MTMR3: variants seen among roughly 807,000 people sequenced by gnomAD.
The protein encoded by MTMR3 is myotubularin related protein 3, also known as phosphatidylinositol-3,5-bisphosphate 3-phosphatase MTMR3.
A neutral mutation model predicts 132.4 loss-of-function variants in MTMR3; 32 were observed. The ratio of observed to expected loss-of-function variants is 0.24; its 90% confidence interval spans 0.18 to 0.32. The LOEUF (loss-of-function observed/expected upper bound fraction) is 0.32, where lower values mean the gene tolerates loss of function less well. Ranked by LOEUF, MTMR3 falls within the 10% of genes least tolerant of loss-of-function variation. The pLI is 1.00. For missense variants in MTMR3, 1,216 were observed against 1,489.6 expected, an observed-to-expected ratio of 0.82 and a Z score of 3.02; for synonymous variants, 556 against 550.3, an observed-to-expected ratio of 1.01 and a Z score of -0.14.
chr22:30,013,605 C>T, intron 14 of MTMR3, 64 bp downstream of exon 14: 2 of 1,468,012 alleles, frequency 1.4e-6, no homozygotes, highest in Middle Eastern at 1.8e-4. Flanking sequence ...TGTTAGTGGG[C>T]CAGTTCTCAC....
At chr22:30,022,575 T>C in intron 18 of MTMR3, 34 bp from the exon 19 acceptor site, 1 of 1,590,564 alleles carries the variant, frequency 6.3e-7, no homozygotes, top group Non-Finnish European at 8.6e-7. Context: ...ATGGCCCATC[T>C]CCTGTCAGTA....
intron 12 of MTMR3, 108 bp downstream of exon 12, chr22:30,009,237 T>C: frequency 1.3e-6 from 1 of 751,268 alleles, no homozygotes; most frequent in Non-Finnish European, 2.2e-6. Context: ...TTTGGAGCAG[T>C]CTTTCCTTCT....
intron 2 of MTMR3, among the ~76,000 whole-genome samples, chr22:29,957,975 A>G (rs2066233442): frequency 6.6e-6 from 1 of 151,580 alleles, no homozygotes; most frequent in African/African-American, 2.4e-5. Flanking sequence ...TCATAGGTAC[A>G]TACGTAGAGG....
rs1321485296 is a variant in MTMR3, at chr22:29,971,080, A to G, written c.3+18A>G. The G allele has an allele frequency of 1.9e-6, 3 of 1,588,000 alleles. No individual in the cohort carries two copies. The highest frequency in any genetic ancestry group is 2.6e-6 in the Non-Finnish European group (3 of 1,170,642). ...TTGTCATGGTAAGTACAAGGAAATA[A>G]GAGTAAAAAAAAAAACAAAAAACCC... is the stretch of plus-strand genomic sequence containing the variant. On this transcript the variant is annotated intron_variant, in intron 3 of 19. Transcript: ENST00000401950.
At chr22:29,979,147 G>A in intron 5 of MTMR3, 95 bp downstream of exon 5, 2 of 835,806 alleles carry the variant, frequency 2.4e-6, no homozygotes, top group Middle Eastern at 2.5e-4. Flanking sequence ...ATACAGAATT[G>A]GGAGAGAAAG....
intron 2 of MTMR3, among the ~76,000 whole-genome samples, chr22:29,970,291 A>C (rs1293330243): frequency 6.6e-6 from 1 of 152,196 alleles, no homozygotes; most frequent in South Asian, 2.1e-4. Context: ...CCACAAAAAC[A>C]TCCTAAAATA....
intron 1 of MTMR3, among the ~76,000 whole-genome samples, chr22:29,945,224 C>T (rs751293942): frequency 2.6e-5 from 4 of 152,100 alleles, no homozygotes; most frequent in Non-Finnish European, 5.9e-5. Context: ...AGGCTGGTCT[C>T]GAACTCCTAG....
chr22:29,999,676 A>G (rs1385902966), intron 8 of MTMR3: 2 of 152,234 alleles, frequency 1.3e-5, no homozygotes, highest in African/African-American at 4.8e-5. Context: ...ATATTGATCT[A>G]AAACCAACTT....
chr22:29,972,670 A>G (rs1011240812), intron 3 of MTMR3, among the ~76,000 whole-genome samples: 8 of 152,172 alleles, frequency 5.3e-5, no homozygotes, highest in African/African-American at 1.7e-4. Context: ...TACTGGGTTC[A>G]AGCGATTCTT....
At chr22:30,002,731 C>G (rs2067201240) in intron 8 of MTMR3, 149 bp from the exon 9 acceptor site, 2 of 590,150 alleles carry the variant, frequency 3.4e-6, no homozygotes, top group South Asian at 4.6e-5. Flanking sequence ...GTCCAAAACT[C>G]GAATAAAGCG....
chr22:29,978,534 A>G lies in MTMR3; in HGVS notation c.93+3A>G. ...TCCGGGAGGATGAGAATCTTCAGGT[A>G]ATTATAGGCCACTTTTAAATGTAAA... On this transcript the variant is annotated splice_donor_region_variant and intron_variant, in intron 4 of 19. Coordinates refer to ENST00000401950, the MANE Select transcript of MTMR3 (RefSeq NM_021090.4). 6.2e-7 allele frequency: 1 copy of G among 1,608,566 alleles called. No individual in the cohort carries two copies. Among genetic ancestry groups the G allele is most frequent in the Non-Finnish European group, 8.5e-7 (1 of 1,175,214 alleles).
intron 12 of MTMR3, chr22:30,010,653 C>A (rs1055660074): frequency 6.6e-6 from 1 of 152,196 alleles, no homozygotes; most frequent in Non-Finnish European, 1.5e-5. Context: ...ACAGACAACA[C>A]CAACTGGTAT....
intron 2 of MTMR3, among the ~76,000 whole-genome samples, chr22:29,962,253 A>G (rs116483373): frequency 2.6e-5 from 4 of 152,350 alleles, no homozygotes; most frequent in African/African-American, 9.6e-5. Context: ...AGATATATTA[A>G]TAACATAAAA....
chr22:30,008,913 C>A, intron 11 of MTMR3, 105 bp from the exon 12 acceptor site: 1 of 718,318 alleles, frequency 1.4e-6, no homozygotes, highest in South Asian at 1.7e-5. Context: ...TTTCGTTAAT[C>A]AGAAGCTGCA....
At chr22:29,932,355 C>T (rs1236115277) in intron 1 of MTMR3, among the ~76,000 whole-genome samples, 1 of 152,196 alleles carries the variant, frequency 6.6e-6, no homozygotes, top group Non-Finnish European at 1.5e-5. Context: ...GTCTTGTCAT[C>T]TGTCCCCAGA....
intron 1 of MTMR3, among the ~76,000 whole-genome samples, chr22:29,916,934 C>T (rs968713917): frequency 1.3e-5 from 2 of 152,318 alleles, no homozygotes; most frequent in South Asian, 4.1e-4. Context: ...CACTATCTCA[C>T]TGCCCCCTGT....
intron 1 of MTMR3, among the ~76,000 whole-genome samples, chr22:29,935,491 C>G (rs180906710): frequency 3.9e-5 from 6 of 152,280 alleles, no homozygotes; most frequent in Admixed American, 6.5e-5. Context: ...ACCTTACACA[C>G]TAGTATTCCT....
chr22:29,967,096 A>G (rs1467310067), intron 2 of MTMR3, among the ~76,000 whole-genome samples: 2 of 151,956 alleles, frequency 1.3e-5, no homozygotes, highest in African/African-American at 4.8e-5. Flanking sequence ...CTAGGGGCTT[A>G]GAATGCTCAT....
In MTMR3 at chr22:29,971,003, C is replaced by T; in HGVS notation, c.-57C>T. ...TTCACCATAAGGGAAAGAAGAGAGC[C>T]TTGTTGGACACTGAAGAAGGGACGG... On this transcript the variant is annotated 5_prime_UTR_variant, in exon 3 of 20. Coordinates refer to ENST00000401950, the MANE Select transcript of MTMR3 (RefSeq NM_021090.4). 6.8e-7 allele frequency: 1 copy of T among 1,481,146 alleles called. No individual in the cohort carries two copies. Among genetic ancestry groups the T allele is most frequent in the Non-Finnish European group, 9.1e-7 (1 of 1,099,888 alleles). 91.8% of individuals were successfully genotyped at this position (1,481,146 alleles called of 1,614,324 possible).
Sources: allele counts gnomAD v4.1 joint callset (sites outside exome capture counted in the v4.1 genomes callset), GRCh38; gene constraint gnomAD v4.1.1; transcripts MANE v1.5; gene names NCBI Gene and HGNC (gene_info 2026-07-23, HGNC 2026-07-21).